TSNARE1: variants seen among roughly 807,000 people sequenced by gnomAD.
TSNARE1 encodes the protein t-SNARE domain containing 1.
TSNARE1 carries 49 observed loss-of-function variants against 62.0 expected under a neutral mutation model. The observed-to-expected ratio is 0.79, with a 90% CI of 0.63 to 1.00. TSNARE1 has a LOEUF of 1.00. Among genes scored for constraint, TSNARE1 ranks in the 50% least tolerant of loss-of-function variants. TSNARE1 has a pLI of 0.00. For synonymous variants in TSNARE1, 328 were observed against 294.4 expected (o/e 1.11, Z -1.17); for missense variants, 755 against 700.1 (o/e 1.08, Z -0.88).
At chr8:142,307,111 T>C (rs372309034) in intron 9 of TSNARE1, among the ~76,000 whole-genome samples, 139 of 152,360 alleles carry the variant, frequency 9.1e-4, no homozygotes, top group African/African-American at 3.2e-3. Context: ...GTCCGAGGCA[T>C]CACTGGTGGG....
At chr8:142,366,720 C>T (rs1007074818) in intron 1 of TSNARE1, among the ~76,000 whole-genome samples, 1 of 152,190 alleles carries the variant, frequency 6.6e-6, no homozygotes, top group Non-Finnish European at 1.5e-5. Flanking sequence ...AAGAAGAAAA[C>T]AAAGGTGCCA....
intron 11 of TSNARE1, among the ~76,000 whole-genome samples, chr8:142,281,490 C>T (rs1821442231): frequency 6.6e-6 from 1 of 151,990 alleles, no homozygotes; most frequent in Non-Finnish European, 1.5e-5. Flanking sequence ...TGGTTGGGGG[C>T]CGCACAGGCA....
chr8:142,277,423 C>A (rs1820683535), intron 11 of TSNARE1: 1 of 985,328 alleles, frequency 1.0e-6, no homozygotes, highest in Admixed American at 6.1e-5. Flanking sequence ...TCGCTGCCCC[C>A]AGCCCCACAG....
intron 6 of TSNARE1, among the ~76,000 whole-genome samples, chr8:142,327,166 C>T (rs536803208): frequency 1.4e-4 from 21 of 152,364 alleles, no homozygotes; most frequent in Non-Finnish European, 2.6e-4. Context: ...CTACCGCAAA[C>T]ATTCACCGCA....
intron 1 of TSNARE1, among the ~76,000 whole-genome samples, chr8:142,391,726 C>T (rs568002928): frequency 1.6e-3 from 241 of 152,340 alleles, no homozygotes; most frequent in Admixed American, 3.1e-3. Context: ...TAGGGCTGCC[C>T]GCCCTGCCGC....
intron 13 of TSNARE1, among the ~76,000 whole-genome samples, chr8:142,228,211 C>T (rs1816930536): frequency 6.6e-6 from 1 of 152,256 alleles, no homozygotes; most frequent in African/African-American, 2.4e-5. Flanking sequence ...CAAATCTTGA[C>T]TCACAGAAAC....
chr8:142,338,370 A>G (rs1367155132), intron 4 of TSNARE1, among the ~76,000 whole-genome samples: 4 of 152,324 alleles, frequency 2.6e-5, no homozygotes, highest in African/African-American at 9.6e-5. Flanking sequence ...CAGCCCCAGC[A>G]CGAGGGGGTC....
chr8:142,262,324 C>CGTGT lies in TSNARE1; in HGVS notation c.1446+12453_1446+12456dup, dbSNP rs144256368. Among the ~76,000 whole-genome samples the CGTGT allele has an allele frequency of 1.6e-3, 235 of 148,864 alleles. 1 individual carries two copies. The highest frequency in any genetic ancestry group is 1.6e-3 in the African/African-American group (67 of 40,726). ...AAAACCCACTCTTCCTATCCATGAA[C>CGTGT]GTGTGTGTGTGTGTGTGTGTGTGTC... On this transcript the variant is annotated intron_variant, in intron 12 of 13. Transcript: ENST00000524325.
At chr8:142,286,194 G>A (rs1822715864) in intron 10 of TSNARE1, among the ~76,000 whole-genome samples, 1 of 152,140 alleles carries the variant, frequency 6.6e-6, no homozygotes, top group African/African-American at 2.4e-5. Flanking sequence ...TCCTCACATA[G>A]CGCCTGGCAC....
At chr8:142,277,835 C>T (rs1409869094) in intron 11 of TSNARE1, 1 of 985,252 alleles carries the variant, frequency 1.0e-6, no homozygotes, top group African/African-American at 1.7e-5. Flanking sequence ...TTCCTGCAGC[C>T]TCCAGGGCTG....
chr8:142,277,100 G>A, intron 11 of TSNARE1: 1 of 985,350 alleles, frequency 1.0e-6, no homozygotes, highest in Non-Finnish European at 1.2e-6. Flanking sequence ...TCAGCCCTGG[G>A]CCCAGTGGCT....
At chr8:142,218,371 G>A (rs950500193) in intron 13 of TSNARE1, among the ~76,000 whole-genome samples, 16 of 152,198 alleles carry the variant, frequency 1.1e-4, no homozygotes, top group African/African-American at 2.7e-4. Context: ...GAGGCACCAC[G>A]AGGGCCAGAC....
chr8:142,324,511 C>A (rs1055221014), intron 6 of TSNARE1, among the ~76,000 whole-genome samples: 2 of 152,164 alleles, frequency 1.3e-5, no homozygotes, highest in African/African-American at 4.8e-5. Context: ...CCTAGTCTGC[C>A]GGGGCCAGAA....
At chr8:142,348,634 C>T (rs967434706) in intron 2 of TSNARE1, among the ~76,000 whole-genome samples, 1 of 148,548 alleles carries the variant, frequency 6.7e-6, no homozygotes, top group Non-Finnish European at 1.5e-5. Flanking sequence ...TCCCGGCACC[C>T]CATGCCCACC....
intron 12 of TSNARE1, among the ~76,000 whole-genome samples, chr8:142,249,643 G>A (rs1203762868): frequency 2.6e-5 from 4 of 152,198 alleles, no homozygotes; most frequent in Non-Finnish European, 4.4e-5. Context: ...TCCCTCCTCC[G>A]CCCAGGGTGC....
chr8:142,307,541 A>G (rs1243064611), intron 9 of TSNARE1, among the ~76,000 whole-genome samples: 2 of 152,222 alleles, frequency 1.3e-5, no homozygotes, highest in Admixed American at 6.5e-5. Context: ...TAGGTTGCCT[A>G]TAATATTTAA....
chr8:142,368,254 G>A (rs1336819677), intron 1 of TSNARE1, among the ~76,000 whole-genome samples: 1 of 151,972 alleles, frequency 6.6e-6, no homozygotes, highest in Non-Finnish European at 1.5e-5. Flanking sequence ...AAAAACTACA[G>A]GGAAACAAAC....
At chr8:142,267,673 C>T (rs1420694052) in intron 12 of TSNARE1, among the ~76,000 whole-genome samples, 1 of 152,176 alleles carries the variant, frequency 6.6e-6, no homozygotes. Context: ...CTCCCCCCGG[C>T]CTCTTTCTAA....
intron 1 of TSNARE1, among the ~76,000 whole-genome samples, chr8:142,380,059 T>C (rs1016248230): frequency 6.6e-6 from 1 of 152,066 alleles, no homozygotes; most frequent in Admixed American, 6.5e-5. Context: ...CGCTGGGAGT[T>C]CCAGGTCACA....
Sources: gnomAD v4.1 joint callset for allele counts (sites outside exome capture counted in the v4.1 genomes callset) on GRCh38, gnomAD v4.1.1 for gene constraint, MANE v1.5 for transcripts, NCBI Gene and HGNC (gene_info 2026-07-23, HGNC 2026-07-21) for gene names.